CENATAC: variants seen among roughly 807,000 people sequenced by gnomAD.
CENATAC encodes centrosomal AT-AC splicing factor, also known as coiled-coil domain containing 84.
A neutral mutation model predicts 53.7 loss-of-function variants in CENATAC; 53 were observed. The observed-to-expected ratio is 0.99, with a 90% CI of 0.79 to 1.24. The LOEUF is 1.24. Among genes scored for constraint, CENATAC ranks in the 50% most tolerant of loss-of-function variants. The pLI, the probability that CENATAC is intolerant of heterozygous loss-of-function variation, is 0.00. For synonymous variants in CENATAC, 156 were observed against 144.6 expected (o/e 1.08, Z -0.57); for missense variants, 474 against 417.8 (o/e 1.13, Z -1.17).
chr11:119,014,974 A>AAAT lies in CENATAC; in HGVS notation c.716-20_716-19insAAT. On this transcript the variant is annotated intron_variant, in intron 8 of 10. Transcript: ENST00000334418. ...CTGAAGACTTAAAAAAAAAAAAAAA[A>AAAT]GCCTTAATTTTTTTTTCAGGTGCCA... is the stretch of plus-strand genomic sequence containing the variant. The AAAT allele has an allele frequency of 2.5e-5, 36 of 1,459,410 alleles. No individual in the cohort carries two copies. The highest frequency in any genetic ancestry group is 3.3e-5 in the Non-Finnish European group (35 of 1,065,818). The allele number at this position is 1,459,410 out of a possible 1,614,324, so 90.4% of individuals were successfully genotyped here.
chr11:119,008,498 G>A (rs1942714291), intron 3 of CENATAC, among the ~76,000 whole-genome samples: 1 of 152,170 alleles, frequency 6.6e-6, no homozygotes, highest in Admixed American at 6.6e-5. Context: ...CAGTATCACT[G>A]TAAACATGTC....
In CENATAC at chr11:119,015,769, A is replaced by G; in HGVS notation, c.*171A>G. ...TACAGCTGGTTGGACCTGTAAAAAA[A>G]AATTAAAAGAATCAGAACCATAAAG... On this transcript the variant is annotated 3_prime_UTR_variant, in exon 11 of 11. Coordinates refer to ENST00000334418, the MANE Select transcript of CENATAC (RefSeq NM_198489.3). The G allele has an allele frequency of 7.6e-7, 1 of 1,322,204 alleles. No homozygotes were observed. 81.9% of individuals were successfully genotyped at this position (1,322,204 alleles called of 1,614,324 possible).
chr11:119,005,890 C>T (rs995728850), intron 3 of CENATAC: 2 of 150,758 alleles, frequency 1.3e-5, no homozygotes, highest in African/African-American at 2.4e-5. Context: ...CTGTACAGTC[C>T]ATTATTATTA....
intron 7 of CENATAC, 60 bp from the exon 8 acceptor site, chr11:119,013,172 T>C: frequency 7.7e-7 from 1 of 1,295,834 alleles, no homozygotes; most frequent in Non-Finnish European, 1.1e-6. Context: ...TTTCTAGGAT[T>C]TTTTTTTTTA....
At chr11:119,001,723 C>T (rs765148366) in intron 3 of CENATAC, 15 of 451,472 alleles carry the variant, frequency 3.3e-5, no homozygotes, top group Non-Finnish European at 5.3e-5. Flanking sequence ...ACTGTATTTG[C>T]TTATTTTCTC....
intron 7 of CENATAC, 62 bp from the exon 8 acceptor site, chr11:119,013,170 A>ATT: frequency 4.4e-5 from 47 of 1,061,436 alleles, no homozygotes; most frequent in South Asian, 8.1e-5. Context: ...CGTTTCTAGG[A>ATT]TTTTTTTTTT....
chr11:119,015,672 T>C lies in CENATAC; in HGVS notation c.*74T>C. 2.7e-6 allele frequency: 4 copies of C among 1,463,246 alleles called. No individual in the cohort carries two copies. The highest frequency in any genetic ancestry group is 3.8e-6 in the Non-Finnish European group (4 of 1,049,976). The allele number at this position is 1,463,246 out of a possible 1,614,324, so 90.6% of individuals were successfully genotyped here. ...CCCTATTATACCTTCCACCAAATTC[T>C]TTATCATTGTCTTTCTTAGGAAACA... On this transcript the variant is annotated 3_prime_UTR_variant, in exon 11 of 11. Coordinates refer to ENST00000334418, the MANE Select transcript of CENATAC (RefSeq NM_198489.3).
intron 7 of CENATAC, chr11:119,012,994 G>A (rs1308156334): frequency 4.6e-6 from 2 of 438,170 alleles, no homozygotes; most frequent in East Asian, 7.3e-5. Flanking sequence ...GCATGTAATA[G>A]CCACTCTACT....
At chr11:119,007,261 GC>G (rs1942649637) in intron 3 of CENATAC, among the ~76,000 whole-genome samples, 1 of 152,042 alleles carries the variant, frequency 6.6e-6, no homozygotes, top group Non-Finnish European at 1.5e-5. Flanking sequence ...TTGGCTCACT[GC>G]AACCTCCGCC....
chr11:119,012,315 CT>C (rs1253742447), intron 7 of CENATAC, 61 bp downstream of exon 7: 11 of 1,576,814 alleles, frequency 7.0e-6, no homozygotes, highest in Non-Finnish European at 9.5e-6. Flanking sequence ...GGACCCCTTT[CT>C]CCTGATTTTC....
intron 3 of CENATAC, among the ~76,000 whole-genome samples, chr11:119,002,619 T>C (rs1942363004): frequency 6.6e-6 from 1 of 151,866 alleles, no homozygotes; most frequent in Admixed American, 6.6e-5. Flanking sequence ...ATTACAGGCA[T>C]GAGCCACCAC....
At chr11:119,011,866 G>A in intron 5 of CENATAC, 73 bp from the exon 6 acceptor site, 1 of 1,323,666 alleles carries the variant, frequency 7.6e-7, no homozygotes, top group South Asian at 1.2e-5. Context: ...ACTGGGGTCT[G>A]GAGGGTGGAG....
chr11:119,012,282 G>A (rs781866501), intron 7 of CENATAC, 28 bp downstream of exon 7: 3 of 1,611,240 alleles, frequency 1.9e-6, no homozygotes, highest in Admixed American at 1.7e-5. Context: ...GCCAGAAGAG[G>A]GCCAATGGTC....
rs186657646 is a variant in CENATAC, at chr11:119,010,533, G to A, written c.384-231G>A. On this transcript the variant is annotated intron_variant, in intron 3 of 10. Coordinates refer to ENST00000334418, the MANE Select transcript of CENATAC (RefSeq NM_198489.3). ...ATGTGTGTTGAAAATAGGGTTTGAC[G>A]TCTAAACCTATTTTGTTTTGGCAAA... 3.6e-5 allele frequency: 19 copies of A among 526,746 alleles called. No homozygotes were observed. In the Admixed American group the frequency reaches 4.0e-4, roughly 11 times the overall value. 32.6% of individuals were successfully genotyped at this position (526,746 alleles called of 1,614,324 possible).
chr11:119,011,376 T>C, intron 5 of CENATAC, 93 bp downstream of exon 5: 6 of 1,221,272 alleles, frequency 4.9e-6, no homozygotes, highest in South Asian at 4.0e-5. Flanking sequence ...TGCTTCTTCT[T>C]CTTCTTTTTT....
rs369930307 is a variant in CENATAC, at chr11:119,015,458, G to A, written c.938+19G>A. ...AGTCCAGGTATGTGTGTTCAGTGCC[G>A]GGTCTCCAACCTACCCATCCAACCT... On this transcript the variant is annotated intron_variant, in intron 10 of 10. Transcript: ENST00000334418. 1.7e-5 allele frequency: 27 copies of A among 1,613,646 alleles called. No individual in the cohort carries two copies. The Admixed American group carries it at 2.3e-4, about 14-fold the overall frequency.
chr11:119,013,160 C>T (rs2134570864), intron 7 of CENATAC, 72 bp from the exon 8 acceptor site: 9 of 1,158,402 alleles, frequency 7.8e-6, no homozygotes, highest in South Asian at 2.7e-5. Context: ...CTTTGTCTAT[C>T]GTTTCTAGGA....
At chr11:119,000,537 T>C (rs1001085941) in intron 3 of CENATAC, among the ~76,000 whole-genome samples, 1 of 151,550 alleles carries the variant, frequency 6.6e-6, no homozygotes, top group Non-Finnish European at 1.5e-5. Flanking sequence ...TGGTGGCTCA[T>C]GTGAAGTCAG....
Position 118,998,280 on chromosome 11 carries a change from G to T in CENATAC, c.83G>T (p.Arg28Leu). Residue 28 changes from arginine (R) to leucine (L), a missense_variant, in exon 1 of 11, where the codon CGG (arginine) becomes CTG (leucine). Coordinates refer to ENST00000334418, the MANE Select transcript of CENATAC (RefSeq NM_198489.3). ...RGHVYSRKHQRQLKEALERLL... is the reference protein window; with the variant it reads ...RGHVYSRKHQLQLKEALERLL... The stretch of plus-strand genomic sequence containing the variant: ...CACGTTTACAGCCGCAAGCACCAGC[G>T]GCAGCTGAAGGAGGCTTTGGAGAGG... 6.2e-7 allele frequency: 1 copy of T among 1,601,528 alleles called. No individual in the cohort carries two copies.
Sources: gnomAD v4.1 joint callset for allele counts (sites outside exome capture counted in the v4.1 genomes callset) on GRCh38, gnomAD v4.1.1 for gene constraint, MANE v1.5 for transcripts, NCBI Gene and HGNC (gene_info 2026-07-23, HGNC 2026-07-21) for gene names.